Variants in DCTD observed in about 807,000 individuals in gnomAD.
The protein encoded by DCTD is dCMP deaminase.
In DCTD, 23 loss-of-function variants were observed where a neutral mutation model predicts 21.0. That is an observed-to-expected ratio of 1.09 (90% CI 0.79 to 1.55). The LOEUF (loss-of-function observed/expected upper bound fraction) is 1.55, where lower values mean the gene tolerates loss of function less well. Among genes scored for constraint, DCTD ranks in the 40% most tolerant of loss-of-function variants. The probability of loss-of-function intolerance (pLI) is 0.00; values close to 1 mark genes in which losing one functional copy is unlikely to be tolerated. For synonymous variants in DCTD, 71 were observed against 81.1 expected (o/e 0.88, Z 0.67); for missense variants, 224 against 230.0 (o/e 0.97, Z 0.17).
intron 4 of DCTD, among the ~76,000 whole-genome samples, chr4:182,894,169 T>A (rs1415500131): frequency 6.6e-6 from 1 of 152,170 alleles, no homozygotes; most frequent in East Asian, 1.9e-4. Context: ...ATTTCTTCCC[T>A]CCCCCAAATC....
At chr4:182,908,928 T>G (rs542937711) in intron 3 of DCTD, among the ~76,000 whole-genome samples, 3 of 152,274 alleles carry the variant, frequency 2.0e-5, no homozygotes, top group Non-Finnish European at 1.5e-5. Flanking sequence ...TACTTTAGAT[T>G]AAGTTTTATT....
In DCTD at chr4:182,917,285, T is replaced by A; in HGVS notation, c.-8+26A>T. The stretch of plus-strand genomic sequence containing the variant: ...GGTGGCTAGGGGCGCGCGGGCCGCG[T>A]ACCCGCACGGCTGGCCCCCGCCCAC... On this transcript the variant is annotated intron_variant, in intron 1 of 5. Transcript: ENST00000438320. This position sits in a 1 kb window ranked among gnomAD's most constrained non-coding sequence, Gnocchi z 4.9. 9.5e-7 allele frequency: 1 copy of A among 1,051,858 alleles called. No homozygotes were observed. The highest frequency in any genetic ancestry group is 4.4e-5 in the South Asian group (1 of 22,702). The allele number at this position is 1,051,858 out of a possible 1,614,324, so 65.2% of individuals were successfully genotyped here.
At chr4:182,916,570 C>G (rs1328206052) in intron 1 of DCTD, 1 of 990,666 alleles carries the variant, frequency 1.0e-6, no homozygotes, top group Non-Finnish European at 1.2e-6. Flanking sequence ...AGAGTGGGTG[C>G]TGGGAACCAC....
chr4:182,895,085 C>T (rs900963785), intron 3 of DCTD, among the ~76,000 whole-genome samples: 27 of 152,240 alleles, frequency 1.8e-4, no homozygotes, highest in African/African-American at 5.5e-4. Flanking sequence ...CAAGGAAAAA[C>T]GCCAGCAGCC....
intron 3 of DCTD, among the ~76,000 whole-genome samples, chr4:182,898,879 A>G (rs1735216494): frequency 6.6e-6 from 1 of 152,236 alleles, no homozygotes; most frequent in Non-Finnish European, 1.5e-5. Context: ...AGGTCATGAA[A>G]TCAGTTCAAT....
chr4:182,893,633 G>A (rs1462140199), intron 4 of DCTD, among the ~76,000 whole-genome samples: 2 of 152,222 alleles, frequency 1.3e-5, no homozygotes, highest in Admixed American at 1.3e-4. Flanking sequence ...AATCCCAAGG[G>A]CCCCGCACTG....
At chr4:182,894,628 A>G (rs1432887877) in intron 3 of DCTD, 23 bp from the exon 4 acceptor site, 1 of 1,535,644 alleles carries the variant, frequency 6.5e-7, no homozygotes, top group Non-Finnish European at 9.0e-7. Flanking sequence ...AGGGAAAGAA[A>G]GAAAAACTTT....
chr4:182,910,406 G>C (rs1220260009), intron 3 of DCTD, among the ~76,000 whole-genome samples: 6 of 152,134 alleles, frequency 3.9e-5, no homozygotes, highest in Non-Finnish European at 8.8e-5. Context: ...GAATCACCAA[G>C]AGTATTTTAC....
intron 3 of DCTD, among the ~76,000 whole-genome samples, chr4:182,896,925 CTT>C (rs1419004383): frequency 6.6e-6 from 1 of 152,160 alleles, no homozygotes; most frequent in Non-Finnish European, 1.5e-5. Context: ...TGGAAGTCCT[CTT>C]AAATTCAAAT....
At chr4:182,914,112 A>C (rs1199387093) in intron 3 of DCTD, among the ~76,000 whole-genome samples, 1 of 152,094 alleles carries the variant, frequency 6.6e-6, no homozygotes, top group Non-Finnish European at 1.5e-5. Context: ...AGTTCAAGCG[A>C]TTCTCCTTCC....
chr4:182,907,991 C>T (rs928428508), intron 3 of DCTD, among the ~76,000 whole-genome samples: 5 of 151,414 alleles, frequency 3.3e-5, no homozygotes, highest in Admixed American at 6.6e-5. Context: ...TGGGGCTTTA[C>T]TTAGCTAATG....
intron 2 of DCTD, 111 bp from the exon 3 acceptor site, chr4:182,915,169 G>T: frequency 7.3e-7 from 1 of 1,361,278 alleles, no homozygotes; most frequent in Non-Finnish European, 1.0e-6. Context: ...ACGCATAGCT[G>T]CTGCAGGTGC....
At chr4:182,905,197 C>T (rs552731982) in intron 3 of DCTD, among the ~76,000 whole-genome samples, 5 of 152,242 alleles carry the variant, frequency 3.3e-5, no homozygotes, top group East Asian at 1.9e-4. Context: ...CCTATTGCTC[C>T]GCTGAAACTG....
chr4:182,894,596 G>T lies in DCTD; in HGVS notation c.254C>A (p.Ala85Glu). 3 of 1,611,152 alleles carry T rather than the reference G, an allele frequency of 1.9e-6. No individual in the cohort carries two copies. Among genetic ancestry groups the T allele is most frequent in the Non-Finnish European group, 2.5e-6 (3 of 1,177,292 alleles). Residue 85 changes from alanine (A) to glutamate (E), a missense_variant, in exon 4 of 6, where the codon GCG (alanine) becomes GAG (glutamate). Ala to Glu is a moderately radical substitution (Grantham distance 107). Transcript: ENST00000438320. ...LDTKYPYVCH[A>E]ELNAIMNKNS... ...TTTGTTCATGATGGCATTCAGCTCC[G>T]CATGGCACACTGTGGGTTGAAAGGG... is the stretch of plus-strand genomic sequence containing the variant.
In DCTD at chr4:182,915,002, C is replaced by T. The variant is rs760575464; in HGVS notation, c.165G>A (p.Gly55=). Residue 55 remains glycine, a synonymous_variant, in exon 3 of 6, where the codon GGG becomes GGA. Coordinates refer to ENST00000438320, the MANE Select transcript of DCTD (RefSeq NM_001921.3). The stretch of plus-strand genomic sequence containing the variant: ...CGTCATCACTGCACCCATTTGGCAT[C>T]CCATTGTACCCAATCCCGACAATCT... The part of the protein sequence containing the change: ...ENKIVGIGYN[G]MPNGCSDDVL... 1 of 1,614,186 alleles carries T rather than the reference C, an allele frequency of 6.2e-7. No individual in the cohort carries two copies.
intron 3 of DCTD, among the ~76,000 whole-genome samples, chr4:182,910,929 C>T (rs978473880): frequency 6.6e-6 from 1 of 152,208 alleles, no homozygotes; most frequent in African/African-American, 2.4e-5. Flanking sequence ...TCAATCAGGA[C>T]TAATGACTTC....
intron 3 of DCTD, among the ~76,000 whole-genome samples, chr4:182,912,179 G>A (rs1171367198): frequency 6.6e-6 from 1 of 150,670 alleles, no homozygotes; most frequent in Non-Finnish European, 1.5e-5. Flanking sequence ...TTGCATTTGA[G>A]TCAATTATCA....
chr4:182,891,467 G>T lies in DCTD; in HGVS notation c.469C>A (p.Pro157Thr). The T allele has an allele frequency of 1.2e-6, 2 of 1,609,108 alleles. No homozygotes were observed. Among genetic ancestry groups the T allele is most frequent in the South Asian group, 2.2e-5 (2 of 90,964 alleles). ...MAGVTFRKFI[P>T]KCSKIVIDFD... ...TCAATGACAATCTTGCTGCACTTCG[G>T]TATGAATTTCCTAAAAATAAAAACA... is the stretch of plus-strand genomic sequence containing the variant. Residue 157 changes from proline (P) to threonine (T), a missense_variant, in exon 6 of 6, where the codon CCG (proline) becomes ACG (threonine). Coordinates refer to ENST00000438320, the MANE Select transcript of DCTD (RefSeq NM_001921.3).
chr4:182,909,251 A>G (rs1417856574), intron 3 of DCTD, among the ~76,000 whole-genome samples: 1 of 152,254 alleles, frequency 6.6e-6, no homozygotes, highest in Non-Finnish European at 1.5e-5. Flanking sequence ...TCTTAAAGTA[A>G]AACATGCTTA....
Sources: gnomAD v4.1 joint callset for allele counts (sites outside exome capture counted in the v4.1 genomes callset) on GRCh38, gnomAD v4.1.1 for gene constraint, Gnocchi (gnomAD v3.1) non-coding constraint, MANE v1.5 for transcripts, NCBI Gene and HGNC (gene_info 2026-07-23, HGNC 2026-07-21) for gene names.